The following AFF1 variants were observed in gnomAD, a reference collection of about 807,000 sequenced individuals.
AFF1 encodes the protein AF4/FMR2 family member 1.
Under a neutral mutation model 121.7 loss-of-function variants are expected in AFF1, and 48 were observed. That is an observed-to-expected ratio of 0.39 (90% CI 0.31 to 0.50). AFF1 has a LOEUF of 0.50. AFF1 is among the 20% of genes least tolerant of loss of function. The pLI is 0.76. For synonymous variants in AFF1, 613 were observed against 563.0 expected, an observed-to-expected ratio of 1.09 and a Z score of -1.26; for missense variants, 1,523 against 1,511.7, an observed-to-expected ratio of 1.01 and a Z score of -0.12.
chr4:87,046,013 G>A (rs1730650587), intron 2 of AFF1, 153 bp from the exon 3 acceptor site: 1 of 947,800 alleles, frequency 1.1e-6, no homozygotes, highest in Non-Finnish European at 1.5e-6. Context: ...CTAAGGCTGG[G>A]TTAAGGAACT....
intron 2 of AFF1, among the ~76,000 whole-genome samples, chr4:87,031,523 C>G (rs998444716): frequency 8.6e-5 from 13 of 151,434 alleles, no homozygotes; most frequent in African/African-American, 3.2e-4. Context: ...ATCCCTAGGT[C>G]TAGCACATAA....
At chr4:86,977,206 G>GT (rs1723368590) in intron 2 of AFF1, among the ~76,000 whole-genome samples, 1 of 152,114 alleles carries the variant, frequency 6.6e-6, no homozygotes, top group African/African-American at 2.4e-5. Context: ...ACACTATATA[G>GT]TATGTATTTT....
chr4:87,002,104 C>CTT (rs764965353), intron 2 of AFF1, among the ~76,000 whole-genome samples: 89 of 141,962 alleles, frequency 6.3e-4, no homozygotes, highest in African/African-American at 2.0e-3. Context: ...TTTTCTTTTC[C>CTT]TTTTTTTTTT....
In AFF1 at chr4:87,140,077, C is replaced by T. The variant is rs566557901; in HGVS notation, c.*4376C>T. On this transcript the variant is annotated 3_prime_UTR_variant, in exon 21 of 21. Coordinates refer to ENST00000395146, the MANE Select transcript of AFF1 (RefSeq NM_001166693.3). Reference sequence around the variant, plus strand: ...TACCTAAGAGGGCAGGAGGGAAACCCTACAGCTCCTTGTGAGCCTATATAT... The same window carrying T: ...TACCTAAGAGGGCAGGAGGGAAACCTTACAGCTCCTTGTGAGCCTATATAT... 1.9e-4 allele frequency: 39 copies of T among 205,174 alleles called. No individual in the cohort carries two copies. The highest frequency in any genetic ancestry group is 7.1e-4 in the African/African-American group (31 of 43,842). 12.7% of individuals were successfully genotyped at this position (205,174 alleles called of 1,614,324 possible).
chr4:87,100,607 C>T (rs772113525), intron 8 of AFF1, among the ~76,000 whole-genome samples: 10 of 152,162 alleles, frequency 6.6e-5, no homozygotes, highest in Non-Finnish European at 1.5e-4. Flanking sequence ...TTGTCTTCCT[C>T]CTCTAGACTA....
intron 4 of AFF1, among the ~76,000 whole-genome samples, chr4:87,083,400 T>C (rs1050747688): frequency 6.6e-6 from 1 of 152,236 alleles, no homozygotes; most frequent in Non-Finnish European, 1.5e-5. Flanking sequence ...AATGCTGACT[T>C]TAAGTGAGAT....
intron 2 of AFF1, chr4:87,020,929 A>T: frequency 9.3e-6 from 7 of 755,072 alleles, no homozygotes; most frequent in Non-Finnish European, 1.1e-5. Flanking sequence ...TGTATCTTTT[A>T]ATATATTCTG....
chr4:86,944,403 G>C (rs1720696024), intron 1 of AFF1, among the ~76,000 whole-genome samples: 1 of 149,456 alleles, frequency 6.7e-6, no homozygotes, highest in Admixed American at 6.6e-5. Context: ...GTCTTGTTCT[G>C]TCGCCCATGC....
chr4:87,101,444 G>A (rs1401507898), intron 8 of AFF1, among the ~76,000 whole-genome samples: 2 of 152,136 alleles, frequency 1.3e-5, no homozygotes, highest in Non-Finnish European at 2.9e-5. Flanking sequence ...AAGCATGGTG[G>A]CACAAACCTT....
chr4:87,062,619 C>A (rs1215318502), intron 4 of AFF1, among the ~76,000 whole-genome samples: 1 of 152,032 alleles, frequency 6.6e-6, no homozygotes, highest in Non-Finnish European at 1.5e-5. Context: ...CCTTTAATAC[C>A]TTTTATTTTA....
At chr4:87,129,593 T>A (rs145290224) in intron 16 of AFF1, among the ~76,000 whole-genome samples, 1 of 152,372 alleles carries the variant, frequency 6.6e-6, no homozygotes, top group Admixed American at 6.5e-5. Context: ...TGCCAAATAC[T>A]GCTGATTAAT....
At chr4:87,029,362 A>G (rs1399335556) in intron 2 of AFF1, among the ~76,000 whole-genome samples, 1 of 152,188 alleles carries the variant, frequency 6.6e-6, no homozygotes, top group East Asian at 1.9e-4. Context: ...CAGAGGTTTA[A>G]CGTTATGAAG....
chr4:87,012,703 A>G (rs1174965407), intron 2 of AFF1, among the ~76,000 whole-genome samples: 1 of 152,216 alleles, frequency 6.6e-6, no homozygotes, highest in African/African-American at 2.4e-5. Flanking sequence ...GTACAAATGT[A>G]TCAGATGAAC....
intron 2 of AFF1, among the ~76,000 whole-genome samples, chr4:86,982,125 C>T (rs1324602205): frequency 6.6e-6 from 1 of 152,180 alleles, no homozygotes; most frequent in African/African-American, 2.4e-5. Context: ...TGAAAGTCAA[C>T]TTACTGATAT....
intron 1 of AFF1, chr4:86,935,764 C>T (rs903186866): frequency 3.3e-5 from 5 of 152,194 alleles, no homozygotes; most frequent in African/African-American, 1.2e-4. Context: ...TGTCGGTGGT[C>T]CGTAGCCTCC....
chr4:87,126,772 G>C (rs1314599667), intron 14 of AFF1, among the ~76,000 whole-genome samples: 5 of 152,138 alleles, frequency 3.3e-5, no homozygotes, highest in Non-Finnish European at 7.3e-5. Flanking sequence ...TTGACTAAGA[G>C]AAAGTGTTAT....
At chr4:86,986,040 C>CAATTCAATTCAATTTAATTT (rs778774808) in intron 2 of AFF1, among the ~76,000 whole-genome samples, 1 of 135,526 alleles carries the variant, frequency 7.4e-6, no homozygotes, top group African/African-American at 3.0e-5. Flanking sequence ...TAATTCAATT[C>CAATTCAATTCAATTTAATTT]AATTTAATTT....
chr4:86,990,394 C>T (rs1028578435), intron 2 of AFF1, among the ~76,000 whole-genome samples: 24 of 151,314 alleles, frequency 1.6e-4, no homozygotes, highest in African/African-American at 5.1e-4. Context: ...AATCTCTGGC[C>T]GTCTTCTTTG....
chr4:86,965,118 A>C (rs1451827590), intron 2 of AFF1, among the ~76,000 whole-genome samples: 1 of 152,222 alleles, frequency 6.6e-6, no homozygotes, highest in African/African-American at 2.4e-5. Flanking sequence ...TAATGGGTTA[A>C]CTTAGTGTTG....
Sources: gnomAD v4.1 joint callset for allele counts (sites outside exome capture counted in the v4.1 genomes callset) on GRCh38, gnomAD v4.1.1 for gene constraint, MANE v1.5 for transcripts, NCBI Gene and HGNC (gene_info 2026-07-23, HGNC 2026-07-21) for gene names.